The following SPRYD3 variants were observed in gnomAD, a reference collection of about 807,000 sequenced individuals.
SPRYD3 encodes the protein SPRY domain containing 3, also known as SPRY domain-containing protein 3.
In SPRYD3, 17 loss-of-function variants were observed where a neutral mutation model predicts 50.1. The observed-to-expected ratio is 0.34, with a 90% CI of 0.23 to 0.51. SPRYD3 has a LOEUF of 0.51. SPRYD3 is among the 20% of genes least tolerant of loss of function. The pLI, the probability that SPRYD3 is intolerant of heterozygous loss-of-function variation, is 0.97. For synonymous variants in SPRYD3, 198 were observed against 215.5 expected (o/e 0.92, Z 0.71); for missense variants, 401 against 591.2 (o/e 0.68, Z 3.34).
rs1592262889 is a variant in SPRYD3, at chr12:53,064,538, C to G, written c.*1294G>C. ...TGAGCAAGCTGCCTTCGGCTGCCCCCATCCAGCAGTCCTGTTCCTAGCCCA... is the reference window on the plus strand; with the variant it reads ...TGAGCAAGCTGCCTTCGGCTGCCCCGATCCAGCAGTCCTGTTCCTAGCCCA... On this transcript the variant is annotated 3_prime_UTR_variant, in exon 11 of 11. Coordinates refer to ENST00000301463, the MANE Select transcript of SPRYD3 (RefSeq NM_032840.3). 6.5e-6 allele frequency: 1 copy of G among 152,738 alleles called. No individual in the cohort carries two copies. The highest frequency in any genetic ancestry group is 6.5e-5 in the Admixed American group (1 of 15,286). The allele number at this position is 152,738 out of a possible 1,614,324, so 9.5% of individuals were successfully genotyped here.
chr12:53,067,320 T>G (rs1944517022), intron 8 of SPRYD3, among the ~76,000 whole-genome samples: 1 of 151,426 alleles, frequency 6.6e-6, no homozygotes, highest in Non-Finnish European at 1.5e-5. Flanking sequence ...AGTTTTCTTC[T>G]AAAGAAAGCC....
intron 6 of SPRYD3, among the ~76,000 whole-genome samples, chr12:53,070,691 A>T (rs902769967): frequency 6.6e-6 from 1 of 152,184 alleles, no homozygotes; most frequent in Non-Finnish European, 1.5e-5. Context: ...TCCCTAAATC[A>T]GTGTAAATGG....
chr12:53,079,212 G>A, intron 1 of SPRYD3, 99 bp downstream of exon 1: 1 of 1,213,108 alleles, frequency 8.2e-7, no homozygotes, highest in Non-Finnish European at 1.2e-6. Flanking sequence ...GCAGGGCCCC[G>A]CCCCTGGCCC....
At position 53,073,099 on chromosome 12, in the gene SPRYD3, T is replaced by C. The variant is rs544679635; in HGVS notation, c.693+187A>G. 23 of 491,624 alleles carry C rather than the reference T, an allele frequency of 4.7e-5. No individual in the cohort carries two copies. In the South Asian group the frequency reaches 8.0e-4, roughly 17 times the overall value. 30.5% of individuals were successfully genotyped at this position (491,624 alleles called of 1,614,324 possible). ...AGGAGGAAGTGAAGAAAAGAGAACATGTGCTAAAGAAAACACAGATCTGGA... is the reference window on the plus strand; with the variant it reads ...AGGAGGAAGTGAAGAAAAGAGAACACGTGCTAAAGAAAACACAGATCTGGA... On this transcript the variant is annotated intron_variant, in intron 6 of 10. Transcript: ENST00000301463.
chr12:53,065,890 A>G lies in SPRYD3; in HGVS notation c.1271T>C (p.Ile424Thr). 6.2e-7 allele frequency: 1 copy of G among 1,613,986 alleles called. No individual in the cohort carries two copies. The highest frequency in any genetic ancestry group is 1.1e-5 in the South Asian group (1 of 91,082). ...TTTCTCCCCGCAGCTCAGCATTCCA[A>G]TGGTGGGGAAGAAGCCTCCAGAAGG... Reference protein sequence around the residue: ...VVPSGGFFPTIGMLSCGEKVK... With the variant: ...VVPSGGFFPTTGMLSCGEKVK... The change falls in exon 11 of 11, where the codon ATT becomes ACT. Residue 424 changes from isoleucine (I) to threonine (T), a missense_variant. Transcript: ENST00000301463.
rs1253751276 is a variant in SPRYD3 at position 53,068,062 on chromosome 12, C to G, written c.843+93G>C. The G allele has an allele frequency of 2.1e-6, 3 of 1,459,182 alleles. No individual in the cohort carries two copies. In the African/African-American group the frequency reaches 4.2e-5, roughly 20 times the overall value. 90.4% of individuals were successfully genotyped at this position (1,459,182 alleles called of 1,614,324 possible). A position where few individuals can be genotyped will look rare whatever the true frequency, so the allele number is the denominator to read the frequency against. ...GCACCCTCCCTCCAAAGCCTGGGCT[C>G]CCCTGGTTTCTCCTAAGAGCTTCCT... On this transcript the variant is annotated intron_variant, in intron 7 of 10. Coordinates refer to ENST00000301463, the MANE Select transcript of SPRYD3 (RefSeq NM_032840.3).
rs1944577942 is a variant in SPRYD3 at position 53,074,938 on chromosome 12, T to C, written c.372-154A>G. On this transcript the variant is annotated intron_variant, in intron 4 of 10. Coordinates refer to ENST00000301463, the MANE Select transcript of SPRYD3 (RefSeq NM_032840.3). The surrounding 1 kb of genome is among the most constrained non-coding windows in gnomAD (Gnocchi z 4.6). Reference sequence around the variant, plus strand: ...TGGCGTGAGCATCACCCTCCTCTAGTCTGTAAGCCTTCAAGGGTGCTGCCA... The same window carrying C: ...TGGCGTGAGCATCACCCTCCTCTAGCCTGTAAGCCTTCAAGGGTGCTGCCA... 7.5e-7 allele frequency: 1 copy of C among 1,340,168 alleles called. No individual in the cohort carries two copies. Among genetic ancestry groups the C allele is most frequent in the East Asian group, 2.3e-5 (1 of 43,188 alleles). 83.0% of individuals were successfully genotyped at this position (1,340,168 alleles called of 1,614,324 possible). A position where few individuals can be genotyped will look rare whatever the true frequency, so the allele number is the denominator to read the frequency against.
intron 3 of SPRYD3, 138 bp downstream of exon 3, chr12:53,075,598 C>G: frequency 1.4e-6 from 1 of 701,576 alleles, no homozygotes; most frequent in Non-Finnish European, 2.4e-6. Context: ...TATCCTGCAC[C>G]TATTTCCCAG....
rs576197661 is a variant in SPRYD3 at position 53,067,789 on chromosome 12, G to C, written c.844-84C>G. The C allele has an allele frequency of 4.5e-5, 59 of 1,310,310 alleles. No homozygotes were observed. The African/African-American group carries it at 8.1e-4, about 18-fold the overall frequency. 81.2% of individuals were successfully genotyped at this position (1,310,310 alleles called of 1,614,324 possible). On this transcript the variant is annotated intron_variant, in intron 7 of 10. Coordinates refer to ENST00000301463, the MANE Select transcript of SPRYD3 (RefSeq NM_032840.3). ...GTGGCGAGTAGCATCTGAACCTCTGGGACAGACCACAGCCCAGAGAGTGCC... is the reference window on the plus strand; with the variant it reads ...GTGGCGAGTAGCATCTGAACCTCTGCGACAGACCACAGCCCAGAGAGTGCC...
At position 53,066,003 on chromosome 12, in the gene SPRYD3, G is replaced by C. The variant is rs150722539; in HGVS notation, c.1195-37C>G. 587 of 1,597,468 alleles carry C rather than the reference G, an allele frequency of 3.7e-4. 3 individuals carry two copies. In the African/African-American group the frequency reaches 7.0e-3, roughly 19 times the overall value. The stretch of plus-strand genomic sequence containing the variant: ...GTGGGGAGAAGAATGGAGCAAGCAG[G>C]CTGTGGCCTCTTCCCTGAGGATGCT... On this transcript the variant is annotated intron_variant, in intron 10 of 10. Transcript: ENST00000301463.
At chr12:53,076,324 G>A (rs1944588522) in intron 2 of SPRYD3, among the ~76,000 whole-genome samples, 1 of 152,216 alleles carries the variant, frequency 6.6e-6, no homozygotes, top group African/African-American at 2.4e-5. Context: ...GAGAGCATGG[G>A]CTCAGAAGGA....
At chr12:53,068,719 G>T (rs1261085201) in intron 6 of SPRYD3, among the ~76,000 whole-genome samples, 1 of 152,184 alleles carries the variant, frequency 6.6e-6, no homozygotes, top group East Asian at 1.9e-4. Context: ...GAAACTTGAT[G>T]ACTTTCTCAG....
At chr12:53,073,257 C>CGCCCGGGGGGGGGGGG in intron 6 of SPRYD3, 29 bp downstream of exon 6, 1 of 363,996 alleles carries the variant, frequency 2.7e-6, no homozygotes, top group Non-Finnish European at 5.1e-6. Context: ...TCCGACCCAG[C>CGCCCGGGGGGGGGGGG]CCCTCCCACC....
chr12:53,076,025 G>A (rs1944586456), intron 2 of SPRYD3, among the ~76,000 whole-genome samples: 1 of 152,180 alleles, frequency 6.6e-6, no homozygotes, highest in Non-Finnish European at 1.5e-5. Flanking sequence ...ACCCGTACCA[G>A]ACCAGTGCAA....
chr12:53,077,818 C>T (rs1292294720), intron 1 of SPRYD3, among the ~76,000 whole-genome samples: 1 of 152,140 alleles, frequency 6.6e-6, no homozygotes, highest in Non-Finnish European at 1.5e-5. Context: ...AGATCATGGC[C>T]CTACAGACAA....
rs1944493578 is a variant in SPRYD3 at position 53,065,293 on chromosome 12, G to A, written c.*539C>T. 6.5e-6 allele frequency: 1 copy of A among 152,940 alleles called. No individual in the cohort carries two copies. Among genetic ancestry groups the A allele is most frequent in the Admixed American group, 6.5e-5 (1 of 15,288 alleles). The allele number at this position is 152,940 out of a possible 1,614,324, so 9.5% of individuals were successfully genotyped here. A position where few individuals can be genotyped will look rare whatever the true frequency, so the allele number is the denominator to read the frequency against. ...GGAGAGCCTAGAGGAGTCTTCCTGG[G>A]GCAGCAGCCAGTGAAAGGACAGAGA... On this transcript the variant is annotated 3_prime_UTR_variant, in exon 11 of 11. Coordinates refer to ENST00000301463, the MANE Select transcript of SPRYD3 (RefSeq NM_032840.3).
intron 10 of SPRYD3, 108 bp downstream of exon 10, chr12:53,066,206 A>C: frequency 6.5e-7 from 1 of 1,535,730 alleles, no homozygotes; most frequent in Non-Finnish European, 8.8e-7. Context: ...GGGCAACGCC[A>C]GAGCTTCCCG....
At chr12:53,077,387 C>A in intron 1 of SPRYD3, 126 bp from the exon 2 acceptor site, 1 of 907,170 alleles carries the variant, frequency 1.1e-6, no homozygotes, top group South Asian at 1.6e-5. Context: ...CCTCAACAAC[C>A]CTCATCTTCT....
At chr12:53,079,231 C>T in intron 1 of SPRYD3, 80 bp downstream of exon 1, 1 of 1,460,608 alleles carries the variant, frequency 6.8e-7, no homozygotes, top group South Asian at 1.2e-5. Flanking sequence ...CCCAGAGCCC[C>T]CGCCCAGGAC....
Sources: allele counts gnomAD v4.1 joint callset (sites outside exome capture counted in the v4.1 genomes callset), GRCh38; gene constraint gnomAD v4.1.1; non-coding constraint Gnocchi (gnomAD v3.1); transcripts MANE v1.5; gene names NCBI Gene and HGNC (gene_info 2026-07-23, HGNC 2026-07-21).